PTPN13: variants seen among roughly 807,000 people sequenced by gnomAD.
PTPN13 encodes the protein protein tyrosine phosphatase non-receptor type 13.
PTPN13 carries 191 observed loss-of-function variants against 284.0 expected under a neutral mutation model. That is an observed-to-expected ratio of 0.67 (90% CI 0.60 to 0.76). The LOEUF is 0.76. PTPN13 is among the 30% of genes least tolerant of loss of function. The probability of loss-of-function intolerance (pLI) is 0.00; values close to 1 mark genes in which losing one functional copy is unlikely to be tolerated. For missense variants in PTPN13, 2,797 were observed against 2,939.9 expected (o/e 0.95, Z 1.12); for synonymous variants, 986 against 1,022.3 (o/e 0.96, Z 0.68).
chr4:86,767,424 T>G (rs1739462563), intron 27 of PTPN13, among the ~76,000 whole-genome samples: 1 of 151,910 alleles, frequency 6.6e-6, no homozygotes, highest in African/African-American at 2.4e-5. Context: ...TTTTATATTT[T>G]TAGTAGAGAT....
intron 3 of PTPN13, among the ~76,000 whole-genome samples, chr4:86,675,004 A>T (rs1018209339): frequency 2.0e-5 from 3 of 152,198 alleles, no homozygotes; most frequent in Non-Finnish European, 2.9e-5. Flanking sequence ...AATAAAATTT[A>T]AAAAGTGCTT....
At chr4:86,743,261 T>C (rs1040681434) in intron 16 of PTPN13, among the ~76,000 whole-genome samples, 3 of 152,206 alleles carry the variant, frequency 2.0e-5, no homozygotes, top group Non-Finnish European at 4.4e-5. Context: ...ATAATTAATA[T>C]GAACCTCTAA....
chr4:86,609,622 G>A (rs1765084867), intron 1 of PTPN13, among the ~76,000 whole-genome samples: 1 of 152,134 alleles, frequency 6.6e-6, no homozygotes, highest in Non-Finnish European at 1.5e-5. Flanking sequence ...ATATTAAATA[G>A]CATAACTTAT....
chr4:86,613,502 C>T (rs543394782), intron 1 of PTPN13, among the ~76,000 whole-genome samples: 7 of 151,948 alleles, frequency 4.6e-5, no homozygotes, highest in African/African-American at 9.7e-5. Context: ...GGCGTGGTGA[C>T]GGGCGCCTGT....
At chr4:86,739,976 G>A (rs752433109) in intron 15 of PTPN13, among the ~76,000 whole-genome samples, 6 of 152,242 alleles carry the variant, frequency 3.9e-5, no homozygotes, top group Non-Finnish European at 2.9e-5. Context: ...TCCGGGTCAA[G>A]CTGATGCAAG....
chr4:86,695,419 G>A (rs1301624348), intron 6 of PTPN13, among the ~76,000 whole-genome samples: 2 of 151,834 alleles, frequency 1.3e-5, no homozygotes, highest in African/African-American at 4.8e-5. Context: ...TAGGATTTGA[G>A]ATAGTATATA....
At chr4:86,703,904 G>A (rs1358317482) in intron 7 of PTPN13, among the ~76,000 whole-genome samples, 1 of 152,086 alleles carries the variant, frequency 6.6e-6, no homozygotes, top group Non-Finnish European at 1.5e-5. Flanking sequence ...CAGGCGTGGT[G>A]GCTCATGCCT....
At chr4:86,753,641 A>G (rs1172099651) in intron 20 of PTPN13, among the ~76,000 whole-genome samples, 1 of 152,134 alleles carries the variant, frequency 6.6e-6, no homozygotes, top group Non-Finnish European at 1.5e-5. Context: ...TCTAAGAAAC[A>G]AAATCGTAGG....
chr4:86,695,517 A>G (rs1344528204), intron 6 of PTPN13, among the ~76,000 whole-genome samples: 3 of 151,578 alleles, frequency 2.0e-5, no homozygotes, highest in Non-Finnish European at 3.0e-5. Context: ...AATAATAACA[A>G]ACTTATAGAT....
chr4:86,660,355 AG>A (rs1360074368), intron 2 of PTPN13, among the ~76,000 whole-genome samples: 1 of 152,194 alleles, frequency 6.6e-6, no homozygotes, highest in African/African-American at 2.4e-5. Context: ...TTAAAGCATA[AG>A]AAGAGAGCCA....
At chr4:86,726,268 G>T (rs1028903201) in intron 10 of PTPN13, among the ~76,000 whole-genome samples, 1 of 149,424 alleles carries the variant, frequency 6.7e-6, no homozygotes, top group African/African-American at 2.4e-5. Context: ...CTCCAGCTTT[G>T]CTCTTTTTGC....
intron 40 of PTPN13, among the ~76,000 whole-genome samples, chr4:86,792,331 C>A (rs113235853): frequency 6.6e-6 from 1 of 152,182 alleles, no homozygotes; most frequent in African/African-American, 2.4e-5. Context: ...AAGAAATGAA[C>A]AAATGCTCTT....
chr4:86,625,071 A>G (rs1425739989), intron 1 of PTPN13, among the ~76,000 whole-genome samples: 1 of 152,160 alleles, frequency 6.6e-6, no homozygotes, highest in Non-Finnish European at 1.5e-5. Flanking sequence ...TAAACATGAA[A>G]CATGCTCCTT....
At chr4:86,664,957 A>G (rs931799785) in intron 2 of PTPN13, among the ~76,000 whole-genome samples, 2 of 151,234 alleles carry the variant, frequency 1.3e-5, no homozygotes, top group Admixed American at 6.6e-5. Flanking sequence ...TTACTAATAT[A>G]GTGGCCAAGA....
chr4:86,677,069 C>A (rs1236467368), intron 3 of PTPN13, among the ~76,000 whole-genome samples: 1 of 151,960 alleles, frequency 6.6e-6, no homozygotes, highest in African/African-American at 2.4e-5. Flanking sequence ...AGATCGAGAC[C>A]ATCCTGGCTA....
chr4:86,758,217 C>A, intron 20 of PTPN13, 43 bp from the exon 21 acceptor site: 1 of 1,370,008 alleles, frequency 7.3e-7, no homozygotes, highest in Non-Finnish European at 1.0e-6. Context: ...GTCTTAATGC[C>A]TGAGCATGTT....
rs1728934232 is a variant in PTPN13 at position 86,681,899 on chromosome 4, A to C, written c.295-4811A>C. ...AGCTGAGATTGCACCACTGCACTCC[A>C]GCCTGGGCGACAGAGTGAGTCTGTC... is the stretch of plus-strand genomic sequence containing the variant. On this transcript the variant is annotated intron_variant, in intron 3 of 47. Coordinates refer to ENST00000411767, the MANE Select transcript of PTPN13 (RefSeq NM_080683.3). 2.6e-5 allele frequency among the ~76,000 whole-genome samples: 4 copies of C among 152,128 alleles called. No individual in the cohort carries two copies. In the South Asian group the frequency reaches 8.3e-4, roughly 32 times the overall value.
At chr4:86,595,641 G>A in intron 1 of PTPN13, 1 of 487,716 alleles carries the variant, frequency 2.1e-6, no homozygotes, top group Non-Finnish European at 2.7e-6. Context: ...TCATTTAATT[G>A]CATCTTTGAA....
intron 1 of PTPN13, among the ~76,000 whole-genome samples, chr4:86,600,436 T>C (rs1764204439): frequency 7.1e-6 from 1 of 140,110 alleles, no homozygotes; most frequent in South Asian, 2.3e-4. Flanking sequence ...TAACCACTTT[T>C]TTTTTTTTTT....
Sources: allele counts gnomAD v4.1 joint callset (sites outside exome capture counted in the v4.1 genomes callset), GRCh38; gene constraint gnomAD v4.1.1; transcripts MANE v1.5; gene names NCBI Gene and HGNC (gene_info 2026-07-23, HGNC 2026-07-21).